The following ICAM3 variants were observed in gnomAD, a reference collection of about 807,000 sequenced individuals.
The protein encoded by ICAM3 is ICAM-3.
A neutral mutation model predicts 43.6 loss-of-function variants in ICAM3; 54 were observed. The observed-to-expected ratio is 1.24, with a 90% confidence interval of 0.99 to 1.55. The LOEUF (loss-of-function observed/expected upper bound fraction) is 1.55. Among genes scored for constraint, ICAM3 ranks in the 40% most tolerant of loss-of-function variants. ICAM3 has a pLI of 0.00. For synonymous variants in ICAM3, 306 were observed against 312.6 expected (o/e 0.98, Z 0.22); for missense variants, 715 against 717.9 (o/e 1.00, Z 0.05).
At chr19:10,336,721 G>A (rs947112702) in intron 2 of ICAM3, among the ~76,000 whole-genome samples, 15 of 145,738 alleles carry the variant, frequency 1.0e-4, no homozygotes, top group South Asian at 2.2e-4. Context: ...CACAAGAATC[G>A]CTTGAACCCA....
rs768302002 is a variant in ICAM3, at chr19:10,338,764, G to A, written c.261C>T (p.Asn87=). 6 of 1,614,050 alleles carry A rather than the reference G, an allele frequency of 3.7e-6. No homozygotes were observed. In the African/African-American group the frequency reaches 4.0e-5, roughly 11 times the overall value. ...GMGWAAFNLS[N]VTGNSRILCS... ...AGAGGATCCGACTGTTGCCAGTCAC[G>A]TTGCTGAGATTGAAGGCTGCCCAGC... The change falls in exon 2 of 7, where the codon AAC becomes AAT. Residue 87 remains asparagine, a synonymous_variant. Transcript: ENST00000160262.
In ICAM3 at chr19:10,334,802, C is replaced by T; in HGVS notation, c.938-20G>A. ...GGAAGCCTAAAGGCGGGGCATTGCC[C>T]AGGAGCTTAATGAACAGGACCTTCC... On this transcript the variant is annotated intron_variant, in intron 4 of 6. Transcript: ENST00000160262. This position sits in a 1 kb window ranked among gnomAD's most constrained non-coding sequence, Gnocchi z 5.5. 6.4e-7 allele frequency: 1 copy of T among 1,559,994 alleles called. No homozygotes were observed. The highest frequency in any genetic ancestry group is 8.7e-7 in the Non-Finnish European group (1 of 1,150,986).
In ICAM3 at chr19:10,333,981, A is replaced by C; in HGVS notation, c.1520T>G (p.Met507Arg). 6.2e-7 allele frequency: 1 copy of C among 1,614,124 alleles called. No homozygotes were observed. The highest frequency in any genetic ancestry group is 1.1e-5 in the South Asian group (1 of 91,088). Residue 507 changes from methionine to arginine, a missense_variant, in exon 7 of 7, where the codon ATG becomes AGG. Transcript: ENST00000160262. The surrounding 1 kb of genome is among the most constrained non-coding windows in gnomAD (Gnocchi z 4.2). ...LGVVTIVLAL[M>R]YVFREHQRSG... Reference sequence around the variant, plus strand: ...CCGTTGGTGCTCCCTGAAGACGTACATTAAGGCCAGTACGATAGTCACCAC... The same window carrying C: ...CCGTTGGTGCTCCCTGAAGACGTACCTTAAGGCCAGTACGATAGTCACCAC...
Position 10,334,210 on chromosome 19 carries a change from G to A in ICAM3, c.1391C>T (p.Ala464Val), listed in dbSNP as rs1457174830. 2 of 1,613,858 alleles carry A rather than the reference G, an allele frequency of 1.2e-6. No homozygotes were observed. Among genetic ancestry groups the A allele is most frequent in the Non-Finnish European group, 1.7e-6 (2 of 1,179,988 alleles). ...VTHNGTYQCQ[A>V]SSSRGKYTLV... The stretch of plus-strand genomic sequence containing the variant: ...GGTGTATTTGCCTCGTGAGCTGGAC[G>A]CTTGGCACTGATAAGTACCATTATG... The change falls in exon 6 of 7, where the codon GCG becomes GTG. Residue 464 changes from alanine to valine, a missense_variant. Ala to Val is a moderately conservative substitution (Grantham distance 64). Transcript: ENST00000160262. The surrounding 1 kb of genome is among the most constrained non-coding windows in gnomAD (Gnocchi z 5.5).
At chr19:10,338,661 C>T (rs756575960) in intron 2 of ICAM3, 21 bp downstream of exon 2, 27 of 1,611,978 alleles carry the variant, frequency 1.7e-5, no homozygotes, top group Non-Finnish European at 2.2e-5. Flanking sequence ...ACCAGTCCCA[C>T]CTCCGGACAC....
In ICAM3 at chr19:10,334,107, C is replaced by CCCCCCCCCCCCCCCGCGTACCGGTCCCGA; in HGVS notation, c.1442-49_1442-48insTCGGGACCGGTACGCGGGGGGGGGGGGGG. On this transcript the variant is annotated intron_variant, in intron 6 of 6. Transcript: ENST00000160262. This position sits in a 1 kb window ranked among gnomAD's most constrained non-coding sequence, Gnocchi z 5.5. ...CAATATGCGTCCCTTCTGTCTCCAACCCCCCCGCCCCCCGGCTTACCGGTC... is the reference window on the plus strand; with the variant it reads ...CAATATGCGTCCCTTCTGTCTCCAACCCCCCCCCCCCCCCGCGTACCGGTCCCGACCCCCCGCCCCCCGGCTTACCGGTC... 1 of 1,575,256 alleles carries CCCCCCCCCCCCCCCGCGTACCGGTCCCGA rather than the reference C, an allele frequency of 6.3e-7. No homozygotes were observed. Among genetic ancestry groups the CCCCCCCCCCCCCCCGCGTACCGGTCCCGA allele is most frequent in the Non-Finnish European group, 8.7e-7 (1 of 1,146,366 alleles).
At chr19:10,336,008 G>A in intron 2 of ICAM3, 32 bp from the exon 3 acceptor site, 1 of 1,503,632 alleles carries the variant, frequency 6.7e-7, no homozygotes, top group East Asian at 2.4e-5. Flanking sequence ...GCACTTAGCG[G>A]GTCCTGCAAA....
Position 10,334,315 on chromosome 19 carries a change from G to C in ICAM3, c.1286C>G (p.Pro429Arg). 6.2e-7 allele frequency: 1 copy of C among 1,614,168 alleles called. No homozygotes were observed. The highest frequency in any genetic ancestry group is 8.5e-7 in the Non-Finnish European group (1 of 1,180,030). Residue 429 changes from proline to arginine, a missense_variant, in exon 6 of 7, where the codon CCG (proline) becomes CGG (arginine). By Grantham distance (103) the Pro-to-Arg change is moderately radical. Coordinates refer to ENST00000160262, the MANE Select transcript of ICAM3 (RefSeq NM_002162.5). This position sits in a 1 kb window ranked among gnomAD's most constrained non-coding sequence, Gnocchi z 5.5. ...HVLQCQARGN[P>R]YPELRCLKEG... ...CTTCAAACACCGCAGCTCGGGGTAC[G>C]GGTTGCCCCTGGCTTGGCACTGCAG...
At position 10,335,993 on chromosome 19, in the gene ICAM3, G is replaced by C. The variant is rs1325264265; in HGVS notation, c.344-17C>G. 5.9e-6 allele frequency: 9 copies of C among 1,530,432 alleles called. No homozygotes were observed. The Admixed American group carries it at 7.8e-5, about 13-fold the overall frequency. The allele number at this position is 1,530,432 out of a possible 1,614,324, so 94.8% of individuals were successfully genotyped here. ...CCGGGAGCCCTGAGAGAGGAGGGGA[G>C]GATGGCACTTAGCGGGTCCTGCAAA... On this transcript the variant is annotated splice_polypyrimidine_tract_variant and intron_variant, in intron 2 of 6. Transcript: ENST00000160262.
chr19:10,334,894 G>T lies in ICAM3; in HGVS notation c.938-112C>A. The T allele has an allele frequency of 2.7e-6, 4 of 1,460,940 alleles. No individual in the cohort carries two copies. The highest frequency in any genetic ancestry group is 3.7e-6 in the Non-Finnish European group (4 of 1,090,256). The allele number at this position is 1,460,940 out of a possible 1,614,324, so 90.5% of individuals were successfully genotyped here. A position where few individuals can be genotyped will look rare whatever the true frequency, so the allele number is the denominator to read the frequency against. ...GGATATCCGGGCCACGCTTTCGGCC[G>T]TTCAAGCCTCGCCCTCTTTCCGCGC... On this transcript the variant is annotated intron_variant, in intron 4 of 6. Transcript: ENST00000160262. The surrounding 1 kb of genome is among the most constrained non-coding windows in gnomAD (Gnocchi z 5.5).
chr19:10,334,585 G>C lies in ICAM3; in HGVS notation c.1135C>G (p.Leu379Val), dbSNP rs142276897. The C allele has an allele frequency of 6.8e-6, 11 of 1,613,726 alleles. No individual in the cohort carries two copies. The African/African-American group carries it at 1.5e-4, about 22-fold the overall frequency. Residue 379 changes from leucine (L) to valine (V), a missense_variant, in exon 5 of 7, where the codon CTC (leucine) becomes GTC (valine). Coordinates refer to ENST00000160262, the MANE Select transcript of ICAM3 (RefSeq NM_002162.5). The surrounding 1 kb of genome is among the most constrained non-coding windows in gnomAD (Gnocchi z 5.5). ...DGRSFFCSAT[L>V]EVDGEFLHRN... ...TGCAAGAACTCGCCGTCCACCTCGA[G>C]AGTGGCACTGCAGAAGAAGCTGCGT...
intron 1 of ICAM3, 75 bp downstream of exon 1, chr19:10,339,464 C>T: frequency 1.0e-5 from 13 of 1,239,614 alleles, no homozygotes; most frequent in Non-Finnish European, 1.3e-5. Flanking sequence ...AACAGCGTTG[C>T]GTTCTATTCC....
intron 3 of ICAM3, 103 bp downstream of exon 3, chr19:10,335,568 A>T: frequency 7.9e-7 from 1 of 1,271,372 alleles, no homozygotes; most frequent in Non-Finnish European, 1.1e-6. Flanking sequence ...CCTTCCCAGA[A>T]GCCTGTGAGG....
chr19:10,334,790 C>T lies in ICAM3; in HGVS notation c.938-8G>A, dbSNP rs774571543. The T allele has an allele frequency of 1.3e-6, 2 of 1,572,122 alleles. No homozygotes were observed. The highest frequency in any genetic ancestry group is 8.6e-7 in the Non-Finnish European group (1 of 1,156,162). ...CAATGGGTCCTAGGAAGCCTAAAGG[C>T]GGGGCATTGCCCAGGAGCTTAATGA... On this transcript the variant is annotated splice_region_variant and splice_polypyrimidine_tract_variant and intron_variant, in intron 4 of 6. Transcript: ENST00000160262. The surrounding 1 kb of genome is among the most constrained non-coding windows in gnomAD (Gnocchi z 5.5).
rs373165638 is a variant in ICAM3, at chr19:10,339,546, C to T, written c.69G>A (p.Leu23=). The change falls in exon 1 of 7, where the codon CTG becomes CTA. Residue 23 remains leucine (L), a synonymous_variant. Transcript: ENST00000160262. ...ACWTLLVCCL[L]TPGVQGQEFL... is the part of the protein sequence containing the mutation. Reference sequence around the variant, plus strand: ...CGGCTTGACTGGTCTCACCTGGGGTCAGCAGACAGCAGACCAGCAGAGTCC... The same window carrying T: ...CGGCTTGACTGGTCTCACCTGGGGTTAGCAGACAGCAGACCAGCAGAGTCC... 6.2e-7 allele frequency: 1 copy of T among 1,613,836 alleles called. No homozygotes were observed. Among genetic ancestry groups the T allele is most frequent in the Non-Finnish European group, 8.5e-7 (1 of 1,179,946 alleles).
chr19:10,339,297 A>C, intron 1 of ICAM3: 1 of 584,878 alleles, frequency 1.7e-6, no homozygotes, highest in East Asian at 2.9e-5. Context: ...GTTCAGATGG[A>C]GCAGGAAGCA....
chr19:10,335,191 C>T lies in ICAM3; in HGVS notation c.812G>A (p.Gly271Glu). 1 of 1,613,868 alleles carries T rather than the reference C, an allele frequency of 6.2e-7. No homozygotes were observed. The highest frequency in any genetic ancestry group is 8.5e-7 in the Non-Finnish European group (1 of 1,180,030). ...TGTGGCTGTGGCCGTTAGCGTGTCC[C>T]CGTGGTTCATGACTGTCGCATTCAG... ...QMLNATVMNH[G>E]DTLTATATAT... Residue 271 changes from glycine to glutamate, a missense_variant, in exon 4 of 7, where the codon GGG becomes GAG. By Grantham distance (98) the Gly-to-Glu change is moderately conservative. Transcript: ENST00000160262.
In ICAM3 at chr19:10,334,101, C is replaced by T. The variant is rs376924405; in HGVS notation, c.1442-42G>A. 3.1e-6 allele frequency: 5 copies of T among 1,610,354 alleles called. No individual in the cohort carries two copies. The highest frequency in any genetic ancestry group is 4.2e-6 in the Non-Finnish European group (5 of 1,177,010). On this transcript the variant is annotated intron_variant, in intron 6 of 6. Transcript: ENST00000160262. This position sits in a 1 kb window ranked among gnomAD's most constrained non-coding sequence, Gnocchi z 5.5. Reference sequence around the variant, plus strand: ...CTAAGTCAATATGCGTCCCTTCTGTCTCCAACCCCCCCGCCCCCCGGCTTA... The same window carrying T: ...CTAAGTCAATATGCGTCCCTTCTGTTTCCAACCCCCCCGCCCCCCGGCTTA...
Position 10,339,543 on chromosome 19 carries a change from G to A in ICAM3, c.72C>T (p.Thr24=), listed in dbSNP as rs1288675810. ...CWTLLVCCLL[T]PGVQGQEFLL... is the part of the protein sequence containing the mutation. ...CCCCGGCTTGACTGGTCTCACCTGGGGTCAGCAGACAGCAGACCAGCAGAG... is the reference window on the plus strand; with the variant it reads ...CCCCGGCTTGACTGGTCTCACCTGGAGTCAGCAGACAGCAGACCAGCAGAG... The change falls in exon 1 of 7, where the codon ACC becomes ACT. Residue 24 remains threonine (T), a synonymous_variant. Coordinates refer to ENST00000160262, the MANE Select transcript of ICAM3 (RefSeq NM_002162.5). The A allele has an allele frequency of 3.7e-6, 6 of 1,613,786 alleles. No homozygotes were observed. Among genetic ancestry groups the A allele is most frequent in the Non-Finnish European group, 4.2e-6 (5 of 1,179,886 alleles).
Sources: allele counts gnomAD v4.1 joint callset (sites outside exome capture counted in the v4.1 genomes callset), GRCh38; gene constraint gnomAD v4.1.1; non-coding constraint Gnocchi (gnomAD v3.1); transcripts MANE v1.5; gene names NCBI Gene and HGNC (gene_info 2026-07-23, HGNC 2026-07-21).